The following TAFA4 variants were observed in gnomAD, a reference collection of about 807,000 sequenced individuals.
The protein encoded by TAFA4 is TAFA chemokine like family member 4, also known as chemokine-like protein TAFA-4.
In TAFA4, 20 loss-of-function variants were observed where a neutral mutation model predicts 21.1. The ratio of observed to expected loss-of-function variants is 0.95; its 90% CI spans 0.67 to 1.38. The LOEUF is 1.38. Ranked by LOEUF, TAFA4 falls within the 40% of genes most tolerant of loss-of-function variation. The pLI is 0.00. For missense variants in TAFA4, 211 were observed against 180.9 expected, an observed-to-expected ratio of 1.17 and a Z score of -0.95; for synonymous variants, 71 against 67.4, an observed-to-expected ratio of 1.05 and a Z score of -0.26.
At chr3:68,747,242 G>C (rs1410870432) in intron 4 of TAFA4, among the ~76,000 whole-genome samples, 1 of 137,982 alleles carries the variant, frequency 7.2e-6, no homozygotes, top group Non-Finnish European at 1.7e-5. Flanking sequence ...CCACTTGTGA[G>C]TTTTCTCTCT....
chr3:68,825,015 G>A (rs1387924038), intron 3 of TAFA4, among the ~76,000 whole-genome samples: 2 of 152,150 alleles, frequency 1.3e-5, no homozygotes, highest in African/African-American at 2.4e-5. Context: ...TACAGGATAT[G>A]CAGGTTTGTT....
At chr3:68,764,543 A>G (rs1702812710) in intron 3 of TAFA4, among the ~76,000 whole-genome samples, 1 of 152,174 alleles carries the variant, frequency 6.6e-6, no homozygotes, top group Non-Finnish European at 1.5e-5. Context: ...ATTGAGCAAA[A>G]CAAATCACTC....
At position 68,834,614 on chromosome 3, in the gene TAFA4, G is replaced by C. The variant is rs560849477; in HGVS notation, c.130+46116C>G. Among the ~76,000 whole-genome samples, 79 of 151,970 alleles carry C rather than the reference G, an allele frequency of 5.2e-4. 1 individual carries two copies. The highest frequency in any genetic ancestry group is 1.7e-3 in the African/African-American group (70 of 41,400). On this transcript the variant is annotated intron_variant, in intron 3 of 5. Coordinates refer to ENST00000295569, the MANE Select transcript of TAFA4 (RefSeq NM_182522.5). ...CCAACATATCCCAAATCAAACTTCT[G>C]ATTTCCTCTTTCACCTCCCACACCT...
chr3:68,742,933 A>G (rs544934777), intron 4 of TAFA4, among the ~76,000 whole-genome samples: 21 of 152,242 alleles, frequency 1.4e-4, no homozygotes, highest in African/African-American at 4.8e-4. Flanking sequence ...CCTTGTATGG[A>G]AGGAGGCAGC....
chr3:68,911,287 T>C (rs772541194), intron 1 of TAFA4, among the ~76,000 whole-genome samples: 3 of 152,214 alleles, frequency 2.0e-5, no homozygotes, highest in Non-Finnish European at 2.9e-5. Flanking sequence ...TATCATCTTC[T>C]CGTAAGGCAA....
At chr3:68,912,373 C>T (rs968386786) in intron 1 of TAFA4, among the ~76,000 whole-genome samples, 21 of 152,218 alleles carry the variant, frequency 1.4e-4, no homozygotes, top group African/African-American at 5.1e-4. Context: ...TGCTGCAACT[C>T]AAGGACAGAA....
chr3:68,795,587 C>T (rs1208811187), intron 3 of TAFA4, among the ~76,000 whole-genome samples: 1 of 152,152 alleles, frequency 6.6e-6, no homozygotes, highest in Admixed American at 6.5e-5. Context: ...CCAAAATTTA[C>T]AAGGATGTAA....
chr3:68,901,936 G>A (rs2106985531), intron 1 of TAFA4, among the ~76,000 whole-genome samples: 1 of 152,174 alleles, frequency 6.6e-6, no homozygotes, highest in East Asian at 1.9e-4. Context: ...TAACTACCAG[G>A]GTCCGTCCAA....
chr3:68,803,853 G>A (rs1417339075), intron 3 of TAFA4, among the ~76,000 whole-genome samples: 1 of 124,206 alleles, frequency 8.1e-6, no homozygotes, highest in Non-Finnish European at 1.6e-5. Context: ...CACCTAGGCT[G>A]GAGGGCAGTG....
intron 5 of TAFA4, among the ~76,000 whole-genome samples, chr3:68,738,361 A>C (rs963580379): frequency 6.6e-6 from 1 of 152,152 alleles, no homozygotes; most frequent in Non-Finnish European, 1.5e-5. Flanking sequence ...GAATATTTTG[A>C]GGTGGACTAG....
chr3:68,914,750 C>T (rs1354071244), intron 1 of TAFA4, among the ~76,000 whole-genome samples: 1 of 152,132 alleles, frequency 6.6e-6, no homozygotes, highest in East Asian at 1.9e-4. Flanking sequence ...GCACACAGTC[C>T]TTTATTCCAG....
At chr3:68,861,853 G>C (rs79482344) in intron 3 of TAFA4, among the ~76,000 whole-genome samples, 1 of 152,086 alleles carries the variant, frequency 6.6e-6, no homozygotes, top group Non-Finnish European at 1.5e-5. Context: ...AGAAGACGAA[G>C]GTGGGTAATG....
At chr3:68,737,056 CATAA>C (rs1260467777) in intron 5 of TAFA4, among the ~76,000 whole-genome samples, 5 of 152,148 alleles carry the variant, frequency 3.3e-5, no homozygotes, top group Non-Finnish European at 5.9e-5. Flanking sequence ...TCTAACTACA[CATAA>C]ATAGAAAGCC....
intron 3 of TAFA4, among the ~76,000 whole-genome samples, chr3:68,801,931 A>G (rs1703586862): frequency 1.4e-5 from 2 of 146,248 alleles, no homozygotes; most frequent in Non-Finnish European, 3.0e-5. Context: ...TAATTTACAC[A>G]AAATTCGATG....
chr3:68,770,161 G>A (rs1031969257), intron 3 of TAFA4, among the ~76,000 whole-genome samples: 1 of 152,106 alleles, frequency 6.6e-6, no homozygotes, highest in Admixed American at 6.5e-5. Flanking sequence ...TTGGGTTGTG[G>A]GTTCATTTTT....
chr3:68,923,695 G>A (rs1460636917), intron 1 of TAFA4, among the ~76,000 whole-genome samples: 1 of 152,124 alleles, frequency 6.6e-6, no homozygotes, highest in African/African-American at 2.4e-5. Context: ...CCAGATCTCG[G>A]TGAAATTCCT....
chr3:68,848,246 G>C (rs890473083), intron 3 of TAFA4, among the ~76,000 whole-genome samples: 11 of 152,128 alleles, frequency 7.2e-5, no homozygotes, highest in African/African-American at 2.7e-4. Flanking sequence ...TACTTAAGTA[G>C]AACACACACG....
At chr3:68,871,336 G>T (rs887331379) in intron 3 of TAFA4, among the ~76,000 whole-genome samples, 3 of 151,964 alleles carry the variant, frequency 2.0e-5, no homozygotes, top group African/African-American at 7.3e-5. Flanking sequence ...GGAAAGGACA[G>T]TCTCTTCAAA....
intron 3 of TAFA4, among the ~76,000 whole-genome samples, chr3:68,836,266 G>A (rs1367491794): frequency 6.6e-6 from 1 of 152,206 alleles, no homozygotes. Context: ...CCTCAATTCC[G>A]CCTGTCACCA....
Sources: allele counts gnomAD v4.1 joint callset (sites outside exome capture counted in the v4.1 genomes callset), GRCh38; gene constraint gnomAD v4.1.1; transcripts MANE v1.5; gene names NCBI Gene and HGNC (gene_info 2026-07-23, HGNC 2026-07-21).